Variants in DMD observed in about 807,000 individuals in gnomAD.
The protein encoded by DMD is mutant dystrophin.
Under a neutral mutation model 330.1 loss-of-function variants are expected in DMD, and 63 were observed. That is an observed-to-expected ratio of 0.19 (90% CI 0.16 to 0.24). The LOEUF is 0.24. Among genes scored for constraint, DMD ranks in the 10% least tolerant of loss-of-function variants. The pLI is 1.00. For missense variants in DMD, 3,344 were observed against 2,684.1 expected, an observed-to-expected ratio of 1.25 and a Z score of -5.43; for synonymous variants, 1,223 against 959.8, an observed-to-expected ratio of 1.27 and a Z score of -5.07.
At chrX:31,536,567 A>C (rs1191291011) in intron 55 of DMD, among the ~76,000 whole-genome samples, 1 of 111,316 alleles carries the variant, frequency 9.0e-6, no homozygotes, top group East Asian at 2.8e-4. Context: ...TCAAATTGCC[A>C]CTCACCTTAA....
chrX:32,873,792 C>G (rs1456551193), intron 2 of DMD, among the ~76,000 whole-genome samples: 1 of 112,041 alleles, frequency 8.9e-6, no homozygotes, highest in African/African-American at 3.2e-5. Flanking sequence ...GTATAATTGC[C>G]ATCAAATAAA....
chrX:32,134,979 C>G (rs758937472), intron 44 of DMD, among the ~76,000 whole-genome samples: 2 of 111,649 alleles, frequency 1.8e-5, no homozygotes, highest in South Asian at 7.5e-4. Context: ...ATTTTTATGG[C>G]CACATCTGGT....
rs375787657 is a variant in DMD at position 31,355,312 on chromosome X, T to C, written c.9085-6678A>G. Among the ~76,000 whole-genome samples, 5 of 112,154 alleles carry C rather than the reference T, an allele frequency of 4.5e-5. No homozygotes were observed. The East Asian group carries it at 1.4e-3, about 31-fold the overall frequency. On this transcript the variant is annotated intron_variant, in intron 60 of 78. Transcript: ENST00000357033. ...ACCTCCCCATGTGGAAATACACTGC[T>C]AGGCAATGTGGTTTCTTCCTAGTGT...
At chrX:32,328,956 A>G (rs2097665751) in intron 41 of DMD, among the ~76,000 whole-genome samples, 1 of 111,595 alleles carries the variant, frequency 9.0e-6, no homozygotes, top group Non-Finnish European at 1.9e-5. Context: ...GCATTAGGAT[A>G]CCACTGACAT....
intron 60 of DMD, among the ~76,000 whole-genome samples, chrX:31,377,629 T>C (rs2059945590): frequency 8.9e-6 from 1 of 112,027 alleles, no homozygotes; most frequent in Non-Finnish European, 1.9e-5. Flanking sequence ...TTACTAGCTG[T>C]GGGCTTTGGG....
rs373475448 is a variant in DMD, at chrX:32,518,049, G to A, written c.2251C>T (p.Arg751Trp). The change falls in exon 18 of 79, where the codon CGG (arginine) becomes TGG (tryptophan). Residue 751 changes from arginine to tryptophan, a missense_variant. Arg to Trp is a moderately radical substitution (Grantham distance 101, BLOSUM62 -3). Coordinates refer to ENST00000357033, the MANE Select transcript of DMD (RefSeq NM_004006.3). ...VLQSPEFAIF[R>W]KEGNFSDLKE... is the part of the protein sequence containing the mutation. ...AAGTCTGAGAAGTTGCCTTCCTTCCGAAAGATTGCAAATTCAGGACTCTGC... is the reference window on the plus strand; with the variant it reads ...AAGTCTGAGAAGTTGCCTTCCTTCCAAAAGATTGCAAATTCAGGACTCTGC... 3.6e-5 allele frequency: 44 copies of A among 1,208,251 alleles called. No individual in the cohort carries two copies. The South Asian group carries it at 4.9e-4, about 14-fold the overall frequency.
chrX:32,468,795 C>T (rs1569564033), intron 22 of DMD, 85 bp from the exon 23 acceptor site: 2 of 777,804 alleles, frequency 2.6e-6, no homozygotes, highest in South Asian at 2.3e-5. Flanking sequence ...TACTTGAAAT[C>T]TATATGATTC....
chrX:32,830,278 C>A (rs1222624728), intron 4 of DMD, among the ~76,000 whole-genome samples: 2 of 111,391 alleles, frequency 1.8e-5, no homozygotes, highest in Non-Finnish European at 1.9e-5. Flanking sequence ...CCCTGCCATA[C>A]AGTAACTTCT....
intron 47 of DMD, among the ~76,000 whole-genome samples, chrX:31,899,203 G>A (rs2094389365): frequency 9.0e-6 from 1 of 111,662 alleles, no homozygotes; most frequent in East Asian, 2.8e-4. Context: ...CTTAGCACAG[G>A]ATTTGTAATA....
intron 2 of DMD, among the ~76,000 whole-genome samples, chrX:33,010,334 A>G (rs1229168808): frequency 1.9e-5 from 2 of 105,000 alleles, no homozygotes; most frequent in African/African-American, 7.1e-5. Flanking sequence ...ATATGTATAT[A>G]TGTACATATA....
intron 2 of DMD, among the ~76,000 whole-genome samples, chrX:32,922,384 G>A (rs2088512522): frequency 9.0e-6 from 1 of 111,589 alleles, no homozygotes; most frequent in Non-Finnish European, 1.9e-5. Context: ...ATGCTTTTAT[G>A]TGTTTACTTA....
chrX:32,022,302 C>T (rs1044685615), intron 44 of DMD, among the ~76,000 whole-genome samples: 7 of 111,607 alleles, frequency 6.3e-5, no homozygotes, highest in African/African-American at 1.3e-4. Flanking sequence ...AGCATAGCAA[C>T]GATACAATTT....
intron 2 of DMD, among the ~76,000 whole-genome samples, chrX:32,871,342 G>C (rs2082979559): frequency 9.0e-6 from 1 of 111,199 alleles, no homozygotes; most frequent in Non-Finnish European, 1.9e-5. Context: ...ATGGTAAACA[G>C]GCTTAAGGCT....
intron 52 of DMD, among the ~76,000 whole-genome samples, chrX:31,708,669 A>C (rs2084378553): frequency 2.7e-5 from 3 of 111,981 alleles, no homozygotes; most frequent in African/African-American, 9.7e-5. Context: ...GTATAAATCA[A>C]TCTATAATAA....
At chrX:32,199,158 T>C (rs757746194) in intron 44 of DMD, among the ~76,000 whole-genome samples, 1 of 112,159 alleles carries the variant, frequency 8.9e-6, no homozygotes, top group Non-Finnish European at 1.9e-5. Flanking sequence ...GAGTAGCAAG[T>C]ATTGGCTAAA....
chrX:33,156,466 C>T (rs1271479493), intron 1 of DMD, among the ~76,000 whole-genome samples: 3 of 111,929 alleles, frequency 2.7e-5, no homozygotes, highest in Admixed American at 1.9e-4. Flanking sequence ...TCTTCAAGGA[C>T]TTTATAACTT....
At chrX:31,330,798 ATTTTT>A (rs1207396356) in intron 61 of DMD, among the ~76,000 whole-genome samples, 2 of 111,246 alleles carry the variant, frequency 1.8e-5, no homozygotes, top group Non-Finnish European at 1.9e-5. Context: ...TCCCATTCCA[ATTTTT>A]TTCTGTATGA....
At chrX:31,169,301 G>A in intron 74 of DMD, 142 bp downstream of exon 74, 3 of 456,014 alleles carry the variant, frequency 6.6e-6, no homozygotes, top group Non-Finnish European at 1.1e-5. Context: ...AAGAGAGAGA[G>A]AATCTGCAAA....
intron 41 of DMD, among the ~76,000 whole-genome samples, chrX:32,312,930 T>C (rs1211288504): frequency 5.9e-5 from 2 of 33,678 alleles, no homozygotes; most frequent in Non-Finnish European, 1.2e-4. Flanking sequence ...GAGGCAGTAA[T>C]AGCCTACGAA....
Sources: allele counts gnomAD v4.1 joint callset (sites outside exome capture counted in the v4.1 genomes callset), GRCh38; gene constraint gnomAD v4.1.1; transcripts MANE v1.5; gene names NCBI Gene and HGNC (gene_info 2026-07-23, HGNC 2026-07-21).